The following TOX variants were observed in gnomAD, a reference collection of about 807,000 sequenced individuals.
The protein encoded by TOX is thymocyte selection associated high mobility group box, also known as thymocyte selection-associated high mobility group box protein TOX.
Under a neutral mutation model 53.7 loss-of-function variants are expected in TOX, and 11 were observed. The observed-to-expected ratio is 0.20, with a 90% CI of 0.13 to 0.34. The LOEUF is 0.34. Among genes scored for constraint, TOX ranks in the 10% least tolerant of loss-of-function variants. The pLI, the probability that TOX is intolerant of heterozygous loss-of-function variation, is 1.00. For missense variants in TOX, 570 were observed against 664.6 expected (o/e 0.86, Z 1.56); for synonymous variants, 225 against 245.3 (o/e 0.92, Z 0.77).
chr8:58,814,568 A>G (rs1469423546), intron 7 of TOX: 2 of 152,202 alleles, frequency 1.3e-5, no homozygotes, highest in Non-Finnish European at 2.9e-5. Flanking sequence ...TATTTTTTAA[A>G]ATAAAATTTA....
intron 1 of TOX, among the ~76,000 whole-genome samples, chr8:59,080,863 C>T (rs1007906333): frequency 6.6e-6 from 1 of 152,160 alleles, no homozygotes; most frequent in African/African-American, 2.4e-5. Context: ...AATTAAACCT[C>T]TTTTCTTATA....
chr8:58,840,749 G>T (rs1810629879), intron 4 of TOX, among the ~76,000 whole-genome samples: 1 of 152,180 alleles, frequency 6.6e-6, no homozygotes, highest in Admixed American at 6.5e-5. Context: ...GTGCTGGCCT[G>T]ATGCAGCCTC....
At chr8:58,835,373 C>T (rs1055464673) in intron 5 of TOX, among the ~76,000 whole-genome samples, 1 of 152,136 alleles carries the variant, frequency 6.6e-6, no homozygotes, top group Non-Finnish European at 1.5e-5. Context: ...AGACCAGCCT[C>T]GATTCTGAAT....
Position 58,954,193 on chromosome 8 carries a change from C to T in TOX, c.168+5750G>A, listed in dbSNP as rs572459095. On this transcript the variant is annotated intron_variant, in intron 2 of 8. Coordinates refer to ENST00000361421, the MANE Select transcript of TOX (RefSeq NM_014729.3). Reference sequence around the variant, plus strand: ...GAGTCTTGTACTTGAAATAATTCTCCAAGGAGGAGGGAGTGCTATAACCTT... The same window carrying T: ...GAGTCTTGTACTTGAAATAATTCTCTAAGGAGGAGGGAGTGCTATAACCTT... 1.2e-4 allele frequency among the ~76,000 whole-genome samples: 19 copies of T among 152,082 alleles called. No homozygotes were observed. In the South Asian group the frequency reaches 3.3e-3, roughly 27 times the overall value.
At chr8:58,935,246 T>C (rs1309132858) in intron 3 of TOX, among the ~76,000 whole-genome samples, 1 of 152,072 alleles carries the variant, frequency 6.6e-6, no homozygotes, top group East Asian at 1.9e-4. Context: ...CAATAACATC[T>C]AAAATCTATA....
At chr8:59,047,662 T>C (rs1471043831) in intron 1 of TOX, among the ~76,000 whole-genome samples, 1 of 150,896 alleles carries the variant, frequency 6.6e-6, no homozygotes, top group Non-Finnish European at 1.5e-5. Flanking sequence ...GAGCCTCAAA[T>C]TACTGGCCTC....
At position 59,049,061 on chromosome 8, in the gene TOX, G is replaced by A. The variant is rs201143086; in HGVS notation, c.102+69825C>T. Reference sequence around the variant, plus strand: ...TGACTCATTTTCAATGACAGTATAAGCAAATCATTTTATCTATCCATTATT... The same window carrying A: ...TGACTCATTTTCAATGACAGTATAAACAAATCATTTTATCTATCCATTATT... On this transcript the variant is annotated intron_variant, in intron 1 of 8. Coordinates refer to ENST00000361421, the MANE Select transcript of TOX (RefSeq NM_014729.3). Among the ~76,000 whole-genome samples, 9 of 151,484 alleles carry A rather than the reference G, an allele frequency of 5.9e-5. No individual in the cohort carries two copies. The East Asian group carries it at 1.8e-3, about 30-fold the overall frequency.
chr8:58,838,366 G>A (rs1039791405), intron 4 of TOX, 55 bp from the exon 5 acceptor site: 2 of 1,460,334 alleles, frequency 1.4e-6, no homozygotes, highest in African/African-American at 1.4e-5. Flanking sequence ...TTGGGGACAA[G>A]ACATATCGTT....
chr8:59,011,186 T>G (rs1247347154), intron 1 of TOX, among the ~76,000 whole-genome samples: 1 of 152,236 alleles, frequency 6.6e-6, no homozygotes, highest in East Asian at 1.9e-4. Context: ...AACTGGACAT[T>G]GTTTAACAAA....
intron 1 of TOX, among the ~76,000 whole-genome samples, chr8:59,115,515 A>G (rs1218177202): frequency 6.6e-6 from 1 of 152,224 alleles, no homozygotes; most frequent in Non-Finnish European, 1.5e-5. Flanking sequence ...AGCTCATTTA[A>G]TCCAATTTAT....
chr8:58,961,934 A>G (rs1426038693), intron 1 of TOX, among the ~76,000 whole-genome samples: 1 of 152,244 alleles, frequency 6.6e-6, no homozygotes, highest in Non-Finnish European at 1.5e-5. Flanking sequence ...CTGTTGGAGT[A>G]CACTGGTTTG....
chr8:58,964,418 CCACCCCACCCTATCAGGTTAATATTAT>C (rs1812855712), intron 1 of TOX, among the ~76,000 whole-genome samples: 1 of 152,090 alleles, frequency 6.6e-6, no homozygotes, highest in Non-Finnish European at 1.5e-5. Context: ...AGGACCTTTC[CCACCCCACCCTATCAGGTTAATATTAT>C]CACTGCACTG....
Position 58,907,573 on chromosome 8 carries a change from C to T in TOX, c.411+31729G>A, listed in dbSNP as rs576285335. On this transcript the variant is annotated intron_variant, in intron 3 of 8. Transcript: ENST00000361421. ...TCACACCATTGCACTCCAGCCTGTG[C>T]GACAGAGGAAGAGCCTGTCTCAAAA... is the stretch of plus-strand genomic sequence containing the variant. 3.4e-4 allele frequency among the ~76,000 whole-genome samples: 52 copies of T among 151,810 alleles called. 1 individual carries two copies. The highest frequency in any genetic ancestry group is 8.9e-4 in the African/African-American group (37 of 41,378).
intron 1 of TOX, among the ~76,000 whole-genome samples, chr8:58,979,835 T>C (rs975597583): frequency 4.5e-4 from 68 of 152,164 alleles, no homozygotes; most frequent in African/African-American, 1.4e-3. Flanking sequence ...CTCTGTAAAA[T>C]GGGGAGACAA....
chr8:58,836,794 T>C (rs539634957), intron 5 of TOX, among the ~76,000 whole-genome samples: 2 of 152,326 alleles, frequency 1.3e-5, no homozygotes, highest in African/African-American at 4.8e-5. Flanking sequence ...TAATTCTAGG[T>C]ACCAGGCATG....
intron 1 of TOX, among the ~76,000 whole-genome samples, chr8:59,059,094 T>C (rs1022860286): frequency 6.6e-6 from 1 of 152,240 alleles, no homozygotes; most frequent in Admixed American, 6.5e-5. Flanking sequence ...GCAGCTTTTC[T>C]ATTTGTTTGT....
At chr8:58,809,173 A>G (rs528974177) in intron 7 of TOX, among the ~76,000 whole-genome samples, 8 of 152,364 alleles carry the variant, frequency 5.3e-5, no homozygotes, top group Admixed American at 3.9e-4. Context: ...CAAAAAGGCA[A>G]CTTAATTAAT....
intron 7 of TOX, 90 bp downstream of exon 7, chr8:58,815,248 A>G (rs1810153254): frequency 6.7e-7 from 1 of 1,486,456 alleles, no homozygotes; most frequent in Non-Finnish European, 9.0e-7. Context: ...CATATCCCCA[A>G]TCCTGTCCTG....
At chr8:58,946,534 A>G (rs1812524959) in intron 2 of TOX, among the ~76,000 whole-genome samples, 1 of 152,208 alleles carries the variant, frequency 6.6e-6, no homozygotes. Flanking sequence ...CAACAGTGCC[A>G]TTGATATATG....
Sources: allele counts gnomAD v4.1 joint callset (sites outside exome capture counted in the v4.1 genomes callset), GRCh38; gene constraint gnomAD v4.1.1; transcripts MANE v1.5; gene names NCBI Gene and HGNC (gene_info 2026-07-23, HGNC 2026-07-21).